Variants in MCTP1 observed in about 807,000 individuals in gnomAD.
MCTP1 encodes the protein multiple C2 and transmembrane domain containing 1, also known as multiple C2 and transmembrane domain-containing protein 1.
A neutral mutation model predicts 120.6 loss-of-function variants in MCTP1; 69 were observed. The observed-to-expected ratio is 0.57, with a 90% CI of 0.47 to 0.70. The LOEUF (loss-of-function observed/expected upper bound fraction) is 0.70, where lower values mean the gene tolerates loss of function less well. MCTP1 is among the 30% of genes least tolerant of loss of function. The pLI is 0.00. For missense variants in MCTP1, 1,203 were observed against 1,248.8 expected, an observed-to-expected ratio of 0.96 and a Z score of 0.55; for synonymous variants, 529 against 493.1, an observed-to-expected ratio of 1.07 and a Z score of -0.96.
chr5:95,046,776 G>C (rs921172684), intron 1 of MCTP1, among the ~76,000 whole-genome samples: 1 of 152,134 alleles, frequency 6.6e-6, no homozygotes, highest in African/African-American at 2.4e-5. Flanking sequence ...TTGTCTGACT[G>C]TATTTTAACT....
At chr5:95,113,212 G>A (rs957083124) in intron 1 of MCTP1, among the ~76,000 whole-genome samples, 1 of 151,716 alleles carries the variant, frequency 6.6e-6, no homozygotes, top group South Asian at 2.1e-4. Context: ...GGGTAGGAGG[G>A]GATGAAGCAA....
In MCTP1 at chr5:94,710,886, A is replaced by T. The variant is rs751339830; in HGVS notation, c.2762T>A (p.Ile921Asn). ...GGCTGTGAACACACAGAGGGCTACA[A>T]TGGCCAGCCAGCTTAAGAATGGGAC... is the stretch of plus-strand genomic sequence containing the variant. Reference protein sequence around the residue: ...WTVPFLSWLAIVALCVFTAIL... With the variant: ...WTVPFLSWLANVALCVFTAIL... The change falls in exon 21 of 23, where the codon ATT becomes AAT. Residue 921 changes from isoleucine (I) to asparagine (N), a missense_variant. Physicochemically the swap from Ile to Asn is moderately radical, Grantham distance 149. Transcript: ENST00000515393. 1 of 1,613,002 alleles carries T rather than the reference A, an allele frequency of 6.2e-7. No individual in the cohort carries two copies. The highest frequency in any genetic ancestry group is 1.1e-5 in the South Asian group (1 of 91,050).
At position 95,115,736 on chromosome 5, in the gene MCTP1, C is replaced by A. The variant is rs180875198; in HGVS notation, c.721-98252G>T. On this transcript the variant is annotated intron_variant, in intron 1 of 22. Transcript: ENST00000515393. ...AAGTTTATTCAAAGAGATAATAACACAGAACTCCCCAAAGCTAGAGAAAGA... is the reference window on the plus strand; with the variant it reads ...AAGTTTATTCAAAGAGATAATAACAAAGAACTCCCCAAAGCTAGAGAAAGA... Among the ~76,000 whole-genome samples the A allele has an allele frequency of 3.2e-3, 486 of 152,094 alleles. 5 individuals carry two copies. Among genetic ancestry groups the A allele is most frequent in the Non-Finnish European group, 5.1e-3 (346 of 67,958 alleles).
intron 1 of MCTP1, among the ~76,000 whole-genome samples, chr5:95,201,060 C>G (rs1238449215): frequency 1.3e-5 from 2 of 152,146 alleles, no homozygotes; most frequent in Non-Finnish European, 2.9e-5. Flanking sequence ...AACTTTATTC[C>G]AAGCCTACTG....
At chr5:95,023,122 G>T (rs559737466) in intron 1 of MCTP1, among the ~76,000 whole-genome samples, 1 of 152,238 alleles carries the variant, frequency 6.6e-6, no homozygotes, top group South Asian at 2.1e-4. Context: ...AGCTAAGGAG[G>T]TTTCACTCTG....
chr5:94,744,418 G>C (rs1300870651), intron 19 of MCTP1, among the ~76,000 whole-genome samples: 1 of 152,218 alleles, frequency 6.6e-6, no homozygotes, highest in African/African-American at 2.4e-5. Context: ...AGATGGACAG[G>C]GGATTTAGCA....
At chr5:94,726,581 GTTTTT>G (rs5869645) in intron 19 of MCTP1, among the ~76,000 whole-genome samples, 1 of 151,520 alleles carries the variant, frequency 6.6e-6, no homozygotes, top group Non-Finnish European at 1.5e-5. Context: ...GGCCCGCAAA[GTTTTT>G]TTTTTCTTAA....
chr5:95,262,216 G>A (rs574487397), intron 1 of MCTP1, among the ~76,000 whole-genome samples: 2 of 152,242 alleles, frequency 1.3e-5, no homozygotes, highest in East Asian at 3.9e-4. Flanking sequence ...GAAATTAAGG[G>A]AATCTAACTC....
At chr5:95,224,199 G>A (rs568129906) in intron 1 of MCTP1, among the ~76,000 whole-genome samples, 13 of 152,276 alleles carry the variant, frequency 8.5e-5, no homozygotes, top group Admixed American at 2.6e-4. Context: ...GGCCTGAAGG[G>A]AGGTAGCCAT....
chr5:95,064,704 C>T (rs1312536630), intron 1 of MCTP1, among the ~76,000 whole-genome samples: 1 of 152,096 alleles, frequency 6.6e-6, no homozygotes, highest in Non-Finnish European at 1.5e-5. Flanking sequence ...ATAGGTGTAC[C>T]AGTATAACAT....
intron 10 of MCTP1, among the ~76,000 whole-genome samples, chr5:94,898,564 C>T (rs1804697087): frequency 6.6e-6 from 1 of 152,168 alleles, no homozygotes; most frequent in South Asian, 2.1e-4. Flanking sequence ...ATATTTGGCT[C>T]ACCTGTACTG....
At chr5:95,143,898 A>G (rs1045063408) in intron 1 of MCTP1, among the ~76,000 whole-genome samples, 1 of 152,078 alleles carries the variant, frequency 6.6e-6, no homozygotes, top group African/African-American at 2.4e-5. Flanking sequence ...TAGAAAATTT[A>G]TTTTTCTTTG....
At chr5:94,869,424 A>C (rs952673237) in intron 16 of MCTP1, among the ~76,000 whole-genome samples, 32 of 152,034 alleles carry the variant, frequency 2.1e-4, no homozygotes, top group Admixed American at 4.6e-4. Flanking sequence ...CCTTGCTGGC[A>C]AAGTAGAGTC....
intron 19 of MCTP1, among the ~76,000 whole-genome samples, 185 bp downstream of exon 19, chr5:94,778,925 G>C (rs1263282704): frequency 6.6e-6 from 1 of 152,128 alleles, no homozygotes; most frequent in Non-Finnish European, 1.5e-5. Context: ...CTGGACAAAA[G>C]CAAAGAGGAT....
At position 94,894,636 on chromosome 5, in the gene MCTP1, G is replaced by T. The variant is rs1319629332; in HGVS notation, c.1839+13C>A. The T allele has an allele frequency of 4.5e-6, 7 of 1,552,614 alleles. No homozygotes were observed. In the South Asian group the frequency reaches 4.8e-5, roughly 11 times the overall value. On this transcript the variant is annotated intron_variant, in intron 11 of 22. Transcript: ENST00000515393. Reference sequence around the variant, plus strand: ...CACATGTGTCTCTGGAAGGAGGAGGGTTACATACGTACATATCTCTTTAAT... The same window carrying T: ...CACATGTGTCTCTGGAAGGAGGAGGTTTACATACGTACATATCTCTTTAAT...
chr5:95,135,681 T>C (rs1195321793), intron 1 of MCTP1, among the ~76,000 whole-genome samples: 2 of 152,228 alleles, frequency 1.3e-5, no homozygotes, highest in Admixed American at 6.5e-5. Flanking sequence ...TTCTTCAGTT[T>C]TGAGACTCGG....
At chr5:94,766,558 A>T (rs1008579499) in intron 19 of MCTP1, among the ~76,000 whole-genome samples, 3 of 152,096 alleles carry the variant, frequency 2.0e-5, no homozygotes, top group Non-Finnish European at 2.9e-5. Context: ...GCATTAGGAG[A>T]TATACCTAAT....
At chr5:95,228,736 G>A (rs12654889) in intron 1 of MCTP1, among the ~76,000 whole-genome samples, 5 of 152,156 alleles carry the variant, frequency 3.3e-5, no homozygotes, top group East Asian at 1.9e-4. Context: ...CCTTGGTACC[G>A]TCGTCCCGAT....
At chr5:94,829,593 C>T (rs201970519) in intron 17 of MCTP1, among the ~76,000 whole-genome samples, 7 of 151,568 alleles carry the variant, frequency 4.6e-5, no homozygotes, top group East Asian at 1.9e-4. Context: ...GGTCAGTTAA[C>T]GGGGACAGAT....
Sources: allele counts gnomAD v4.1 joint callset (sites outside exome capture counted in the v4.1 genomes callset), GRCh38; gene constraint gnomAD v4.1.1; transcripts MANE v1.5; gene names NCBI Gene and HGNC (gene_info 2026-07-23, HGNC 2026-07-21).